Variants in ZFAND3 observed in about 807,000 individuals in gnomAD.
ZFAND3 encodes zinc finger AN1-type containing 3, also known as AN1-type zinc finger protein 3.
ZFAND3 carries 10 observed loss-of-function variants against 29.6 expected under a neutral mutation model. That is an observed-to-expected ratio of 0.34 (90% confidence interval 0.21 to 0.57). The LOEUF (loss-of-function observed/expected upper bound fraction) is 0.57. ZFAND3 is among the 20% of genes least tolerant of loss of function. The pLI, the probability that ZFAND3 is intolerant of heterozygous loss-of-function variation, is 0.86. For synonymous variants in ZFAND3, 128 were observed against 112.6 expected, an observed-to-expected ratio of 1.14 and a Z score of -0.87; for missense variants, 230 against 304.5, an observed-to-expected ratio of 0.76 and a Z score of 1.82.
At chr6:37,868,478 C>T (rs372956412) in intron 1 of ZFAND3, among the ~76,000 whole-genome samples, 1 of 152,168 alleles carries the variant, frequency 6.6e-6, no homozygotes, top group African/African-American at 2.4e-5. Flanking sequence ...ATATGGGGTA[C>T]ATAGTGGAGG....
chr6:37,930,179 G>A (rs1323242823), intron 2 of ZFAND3, among the ~76,000 whole-genome samples, 180 bp downstream of exon 2: 2 of 151,790 alleles, frequency 1.3e-5, no homozygotes, highest in African/African-American at 2.4e-5. Context: ...TGCCTAGGAC[G>A]GTTGAAACAG....
chr6:38,116,681 C>T lies in ZFAND3; in HGVS notation c.471C>T (p.Cys157=). The T allele has an allele frequency of 3.7e-6, 6 of 1,614,194 alleles. No individual in the cohort carries two copies. Among genetic ancestry groups the T allele is most frequent in the Non-Finnish European group, 5.1e-6 (6 of 1,180,008 alleles). The change falls in exon 5 of 6, where the codon TGC becomes TGT. Residue 157 remains cysteine (C), a synonymous_variant. Coordinates refer to ENST00000287218, the MANE Select transcript of ZFAND3 (RefSeq NM_021943.3). Reference sequence around the variant, plus strand: ...CTAAACAGAAGAGTCGACGTCGGTGCTTCCAGTGCCAAACCAAACTGGAGC... The same window carrying T: ...CTAAACAGAAGAGTCGACGTCGGTGTTTCCAGTGCCAAACCAAACTGGAGC... ...SRSKQKSRRR[C]FQCQTKLELV...
intron 1 of ZFAND3, among the ~76,000 whole-genome samples, chr6:37,891,935 C>T (rs1171450404): frequency 2.0e-5 from 3 of 151,978 alleles, no homozygotes; most frequent in Non-Finnish European, 2.9e-5. Flanking sequence ...CACTGTGTTG[C>T]CCAGGTTAGT....
At chr6:37,965,805 G>A (rs571507464) in intron 2 of ZFAND3, among the ~76,000 whole-genome samples, 20 of 152,172 alleles carry the variant, frequency 1.3e-4, no homozygotes, top group African/African-American at 2.9e-4. Context: ...TCTGTAACAC[G>A]GGCTGGAGTG....
chr6:38,023,443 A>C (rs753294544), intron 2 of ZFAND3, among the ~76,000 whole-genome samples: 2 of 152,232 alleles, frequency 1.3e-5, no homozygotes, highest in African/African-American at 4.8e-5. Flanking sequence ...ATATGAAGTA[A>C]TGCATATGTT....
chr6:37,948,961 G>C (rs915113487), intron 2 of ZFAND3, among the ~76,000 whole-genome samples: 1 of 151,962 alleles, frequency 6.6e-6, no homozygotes, highest in Admixed American at 6.6e-5. Flanking sequence ...CACTCCTTTG[G>C]GTATTTATAT....
At chr6:37,887,988 A>G (rs1397695422) in intron 1 of ZFAND3, among the ~76,000 whole-genome samples, 1 of 152,204 alleles carries the variant, frequency 6.6e-6, no homozygotes, top group Non-Finnish European at 1.5e-5. Flanking sequence ...GACTATACTA[A>G]GAAGGCATTC....
At chr6:38,054,204 G>T (rs976105403) in intron 2 of ZFAND3, among the ~76,000 whole-genome samples, 3 of 142,698 alleles carry the variant, frequency 2.1e-5, no homozygotes, top group Non-Finnish European at 3.0e-5. Context: ...AACATAGTGA[G>T]ACTCCATCTC....
At chr6:38,048,989 C>T (rs1282550309) in intron 2 of ZFAND3, among the ~76,000 whole-genome samples, 2 of 152,144 alleles carry the variant, frequency 1.3e-5, no homozygotes, top group South Asian at 2.1e-4. Context: ...AAGGCACAGA[C>T]GTCTTGTATT....
At chr6:37,841,097 A>C (rs563590744) in intron 1 of ZFAND3, among the ~76,000 whole-genome samples, 1 of 151,984 alleles carries the variant, frequency 6.6e-6, no homozygotes, top group Non-Finnish European at 1.5e-5. Context: ...AGAAAAATCA[A>C]CACAGAGGAA....
intron 1 of ZFAND3, among the ~76,000 whole-genome samples, chr6:37,849,853 A>G (rs1375201070): frequency 3.9e-5 from 6 of 152,216 alleles, no homozygotes; most frequent in Admixed American, 2.6e-4. Flanking sequence ...GTCCTGAGTA[A>G]GGGATGAGTG....
chr6:38,116,823 T>C, intron 5 of ZFAND3, 84 bp downstream of exon 5: 1 of 1,510,756 alleles, frequency 6.6e-7, no homozygotes, highest in South Asian at 1.3e-5. Flanking sequence ...GCTGAAGTCT[T>C]TCGTTCTTCT....
At chr6:37,926,617 CT>C (rs1221418683) in intron 1 of ZFAND3, among the ~76,000 whole-genome samples, 2 of 152,196 alleles carry the variant, frequency 1.3e-5, no homozygotes, top group Non-Finnish European at 2.9e-5. Context: ...CCTCCACCCC[CT>C]GAGTAAGGTA....
intron 1 of ZFAND3, among the ~76,000 whole-genome samples, chr6:37,886,658 A>G (rs1181569502): frequency 6.6e-6 from 1 of 152,202 alleles, no homozygotes; most frequent in Non-Finnish European, 1.5e-5. Flanking sequence ...ATCCATGCAT[A>G]TGCTACAAGT....
At chr6:37,918,446 A>G (rs573315465) in intron 1 of ZFAND3, among the ~76,000 whole-genome samples, 2 of 152,226 alleles carry the variant, frequency 1.3e-5, no homozygotes, top group African/African-American at 4.8e-5. Context: ...TCAGCCATAC[A>G]GCTTCCTTGC....
chr6:38,004,550 C>T (rs1242033436), intron 2 of ZFAND3, among the ~76,000 whole-genome samples: 1 of 151,284 alleles, frequency 6.6e-6, no homozygotes, highest in East Asian at 1.9e-4. Flanking sequence ...CACACACACA[C>T]ACACACACAC....
At chr6:38,119,531 C>T (rs751004478) in intron 5 of ZFAND3, among the ~76,000 whole-genome samples, 1 of 152,166 alleles carries the variant, frequency 6.6e-6, no homozygotes, top group African/African-American at 2.4e-5. Context: ...AGAGCCATTG[C>T]TATATAAATT....
intron 1 of ZFAND3, among the ~76,000 whole-genome samples, chr6:37,916,263 C>T (rs1271866147): frequency 1.3e-5 from 2 of 152,060 alleles, no homozygotes; most frequent in East Asian, 1.9e-4. Context: ...GAAGTAAGCA[C>T]GTGCTGTTGA....
At chr6:37,828,074 G>C (rs538972627) in intron 1 of ZFAND3, among the ~76,000 whole-genome samples, 20 of 152,334 alleles carry the variant, frequency 1.3e-4, no homozygotes, top group Admixed American at 3.9e-4. Context: ...TGATGTATCT[G>C]CTTCTTGGAC....
Sources: allele counts gnomAD v4.1 joint callset (sites outside exome capture counted in the v4.1 genomes callset), GRCh38; gene constraint gnomAD v4.1.1; transcripts MANE v1.5; gene names NCBI Gene and HGNC (gene_info 2026-07-23, HGNC 2026-07-21).